The following CELF4 variants were observed in gnomAD, a reference collection of about 807,000 sequenced individuals.
CELF4 encodes the protein CUG-BP- and ETR-3-like factor 4.
CELF4 carries 18 observed loss-of-function variants against 59.9 expected under a neutral mutation model. The observed-to-expected ratio is 0.30, with a 90% CI of 0.21 to 0.45. The LOEUF (loss-of-function observed/expected upper bound fraction) is 0.45, where lower values mean the gene tolerates loss of function less well. Ranked by LOEUF, CELF4 falls within the 20% of genes least tolerant of loss-of-function variation. CELF4 has a pLI of 1.00. For missense variants in CELF4, 456 were observed against 689.0 expected (o/e 0.66, Z 3.79); for synonymous variants, 261 against 267.1 (o/e 0.98, Z 0.22).
At position 37,253,979 on chromosome 18, in the gene CELF4, G is replaced by A; in HGVS notation, c.1334-41C>T. The stretch of plus-strand genomic sequence containing the variant: ...GGACGAGGGCCTGGGTTTCCACGGG[G>A]CCGCCCGGGGCGCTGCCGGCGGGGA... On this transcript the variant is annotated intron_variant, in intron 11 of 12. Transcript: ENST00000420428. The surrounding 1 kb of genome is among the most constrained non-coding windows in gnomAD (Gnocchi z 4.5). The A allele has an allele frequency of 1.4e-6, 2 of 1,444,264 alleles. No individual in the cohort carries two copies. The highest frequency in any genetic ancestry group is 1.9e-6 in the Non-Finnish European group (2 of 1,077,548). The allele number at this position is 1,444,264 out of a possible 1,614,324, so 89.5% of individuals were successfully genotyped here.
At chr18:37,479,175 G>A (rs78125443) in intron 2 of CELF4, among the ~76,000 whole-genome samples, 5,574 of 152,242 alleles carry the variant, frequency 0.037, 153 homozygotes, top group South Asian at 0.06. Context: ...GCTCCTGCCC[G>A]TACTCCCCAC....
intron 2 of CELF4, among the ~76,000 whole-genome samples, chr18:37,437,609 G>A (rs983968575): frequency 3.9e-5 from 6 of 152,268 alleles, no homozygotes; most frequent in South Asian, 4.1e-4. Context: ...AGTGGCTGCC[G>A]TCTCTTCCTG....
intron 3 of CELF4, among the ~76,000 whole-genome samples, chr18:37,311,000 C>T (rs1024280857): frequency 6.6e-6 from 1 of 152,200 alleles, no homozygotes; most frequent in African/African-American, 2.4e-5. Flanking sequence ...CCTGGGCACA[C>T]AGGCATGAGG....
intron 7 of CELF4, among the ~76,000 whole-genome samples, chr18:37,272,149 G>A (rs144105219): frequency 1.8e-4 from 27 of 152,330 alleles, no homozygotes; most frequent in African/African-American, 5.5e-4. Context: ...AGCCAAGGAA[G>A]CTCAGTGAAT....
In CELF4 at chr18:37,556,348, T is replaced by C. The variant is rs558791556; in HGVS notation, c.286+9008A>G. Among the ~76,000 whole-genome samples, 4 of 152,316 alleles carry C rather than the reference T, an allele frequency of 2.6e-5. No individual in the cohort carries two copies. In the East Asian group the frequency reaches 5.8e-4, roughly 22 times the overall value. On this transcript the variant is annotated intron_variant, in intron 1 of 12. Coordinates refer to ENST00000420428, the MANE Select transcript of CELF4 (RefSeq NM_020180.4). ...CAACAGTTAATTCAGCTCTACTTTC[T>C]AAAGACCAGAGAGGGGAAGTTTACT...
chr18:37,285,848 T>C (rs2094693309), intron 3 of CELF4, among the ~76,000 whole-genome samples: 1 of 152,190 alleles, frequency 6.6e-6, no homozygotes, highest in African/African-American at 2.4e-5. Context: ...TGCTACATTA[T>C]CCTTACCAGG....
At chr18:37,380,708 C>T (rs1280940145) in intron 2 of CELF4, among the ~76,000 whole-genome samples, 7 of 150,166 alleles carry the variant, frequency 4.7e-5, no homozygotes. Flanking sequence ...ATCTAGTCTT[C>T]TATCCATTCC....
intron 2 of CELF4, among the ~76,000 whole-genome samples, chr18:37,470,417 A>G (rs1169762534): frequency 1.3e-5 from 2 of 152,206 alleles, no homozygotes; most frequent in African/African-American, 2.4e-5. Flanking sequence ...AGCACACCCC[A>G]TAATATGGAT....
chr18:37,377,277 CCTG>C (rs1347077295), intron 2 of CELF4, among the ~76,000 whole-genome samples: 1 of 152,122 alleles, frequency 6.6e-6, no homozygotes, highest in Non-Finnish European at 1.5e-5. Context: ...AGGACGGCCT[CCTG>C]CTTCTGCAGG....
intron 2 of CELF4, among the ~76,000 whole-genome samples, chr18:37,349,079 A>G (rs188961779): frequency 6.6e-6 from 1 of 152,332 alleles, no homozygotes; most frequent in Non-Finnish European, 1.5e-5. Flanking sequence ...TGGGGCCTGG[A>G]GAGAGCCCTG....
chr18:37,348,174 T>C (rs780017508), intron 2 of CELF4, among the ~76,000 whole-genome samples: 1 of 152,140 alleles, frequency 6.6e-6, no homozygotes, highest in Non-Finnish European at 1.5e-5. Context: ...AAACAGCCTT[T>C]TGGAAAGAGC....
intron 10 of CELF4, among the ~76,000 whole-genome samples, chr18:37,260,374 G>C (rs2073540881): frequency 6.6e-6 from 1 of 152,226 alleles, no homozygotes; most frequent in Non-Finnish European, 1.5e-5. Context: ...GTCTTAGATA[G>C]CATATGCCAC....
chr18:37,359,295 T>A (rs118153364), intron 2 of CELF4, among the ~76,000 whole-genome samples: 45 of 152,300 alleles, frequency 3.0e-4, no homozygotes, highest in Non-Finnish European at 6.2e-4. Context: ...GGTGTGGAGC[T>A]GAGCAGTGCT....
intron 2 of CELF4, among the ~76,000 whole-genome samples, chr18:37,476,387 C>T (rs2099849090): frequency 6.6e-6 from 1 of 152,164 alleles, no homozygotes; most frequent in Admixed American, 6.5e-5. Flanking sequence ...ACATGGCGCC[C>T]CCTGGTGGGC....
intron 2 of CELF4, among the ~76,000 whole-genome samples, chr18:37,353,230 A>AT (rs1292699283): frequency 3.3e-4 from 35 of 106,308 alleles, no homozygotes; most frequent in African/African-American, 1.4e-3. Context: ...CAAAAAAAAA[A>AT]AAAATATATA....
intron 2 of CELF4, among the ~76,000 whole-genome samples, chr18:37,461,243 G>C (rs563168302): frequency 1.3e-5 from 2 of 152,178 alleles, no homozygotes; most frequent in Admixed American, 1.3e-4. Context: ...CAAGAGTGCC[G>C]TGTTAATCTG....
chr18:37,560,053 CAGGTGATGAAGGGAGTGAAAGT>C (rs557777207), intron 1 of CELF4, among the ~76,000 whole-genome samples: 24 of 152,318 alleles, frequency 1.6e-4, no homozygotes, highest in African/African-American at 4.8e-4. Context: ...CCAATTGGAG[CAGGTGATGAAGGGAGTGAAAGT>C]ATACCAAGGG....
chr18:37,555,955 A>G (rs1418707008), intron 1 of CELF4, among the ~76,000 whole-genome samples: 1 of 151,996 alleles, frequency 6.6e-6, no homozygotes, highest in Non-Finnish European at 1.5e-5. Context: ...TGTGCGTGTG[A>G]CTGTGTGTAT....
In CELF4 at chr18:37,565,574, A is replaced by T. The variant is rs757769195; in HGVS notation, c.68T>A (p.Leu23His). Residue 23 changes from leucine (L) to histidine (H), a missense_variant, in exon 1 of 13, where the codon CTC (leucine) becomes CAC (histidine). Coordinates refer to ENST00000420428, the MANE Select transcript of CELF4 (RefSeq NM_020180.4). ...CCCGGCACTGCCCGGGCTGCTGCCG[A>T]GCCCGTTGGTACTGAGGCTTGCGTT... ...ADNASLSTNG[L>H]GSSPGSAGHM... 1.3e-5 allele frequency: 21 copies of T among 1,614,066 alleles called. No homozygotes were observed. Among genetic ancestry groups the T allele is most frequent in the Non-Finnish European group, 1.6e-5 (19 of 1,179,976 alleles).
Sources: gnomAD v4.1 joint callset for allele counts (sites outside exome capture counted in the v4.1 genomes callset) on GRCh38, gnomAD v4.1.1 for gene constraint, Gnocchi (gnomAD v3.1) non-coding constraint, MANE v1.5 for transcripts, NCBI Gene and HGNC (gene_info 2026-07-23, HGNC 2026-07-21) for gene names.